The following SCARB1 variants were observed in gnomAD, a reference collection of about 807,000 sequenced individuals.
The protein encoded by SCARB1 is scavenger receptor class B member 1, also known as CD36 and LIMPII analogous 1.
A neutral mutation model predicts 57.2 loss-of-function variants in SCARB1; 30 were observed. The observed-to-expected ratio is 0.52, with a 90% CI of 0.39 to 0.71. The LOEUF (loss-of-function observed/expected upper bound fraction) is 0.71. Among genes scored for constraint, SCARB1 ranks in the 30% least tolerant of loss-of-function variants. The pLI, the probability that SCARB1 is intolerant of heterozygous loss-of-function variation, is 0.00. For missense variants in SCARB1, 543 were observed against 671.2 expected (o/e 0.81, Z 2.11); for synonymous variants, 249 against 268.3 (o/e 0.93, Z 0.70).
At chr12:124,861,416 C>T (rs1428543945) in intron 1 of SCARB1, among the ~76,000 whole-genome samples, 2 of 152,044 alleles carry the variant, frequency 1.3e-5, no homozygotes, top group African/African-American at 4.8e-5. Flanking sequence ...TCCACGGATG[C>T]AGAACCTGCA....
rs141832939 is a variant in SCARB1 at position 124,852,759 on chromosome 12, A to G, written c.126+10836T>C. Reference sequence around the variant, plus strand: ...GTGTGGTTATAACACAGATGGCGCAAGCCAGGCGCGGTGGCTCATGCCTGT... The same window carrying G: ...GTGTGGTTATAACACAGATGGCGCAGGCCAGGCGCGGTGGCTCATGCCTGT... On this transcript the variant is annotated intron_variant, in intron 1 of 12. Coordinates refer to ENST00000261693, the MANE Select transcript of SCARB1 (RefSeq NM_005505.5). 1.1e-4 allele frequency among the ~76,000 whole-genome samples: 17 copies of G among 152,356 alleles called. 1 individual carries two copies. Among genetic ancestry groups the G allele is most frequent in the Non-Finnish European group, 2.2e-4 (15 of 68,034 alleles).
intron 1 of SCARB1, among the ~76,000 whole-genome samples, chr12:124,818,072 G>A (rs1427327072): frequency 6.6e-6 from 1 of 152,176 alleles, no homozygotes; most frequent in Non-Finnish European, 1.5e-5. Flanking sequence ...CATGGGCTCC[G>A]TGTGGCCAGG....
Position 124,863,658 on chromosome 12 carries a change from G to A in SCARB1, c.63C>T (p.Cys21=), listed in dbSNP as rs10396208. 3,799 of 1,584,494 alleles carry A rather than the reference G, an allele frequency of 2.4e-3. 78 individuals carry two copies. The African/African-American group carries it at 0.047, about 20-fold the overall frequency. Residue 21 remains cysteine (C), a synonymous_variant, in exon 1 of 13, where the codon TGC becomes TGT. Transcript: ENST00000261693. ...CGATCATGACAGCGCCCAGCACAGCGCACAGTAGCCCCGCGACGCCCAGCG... is the reference window on the plus strand; with the variant it reads ...CGATCATGACAGCGCCCAGCACAGCACACAGTAGCCCCGCGACGCCCAGCG... ...AGALGVAGLL[C]AVLGAVMIVM...
chr12:124,815,031 G>T lies in SCARB1; in HGVS notation c.368C>A (p.Pro123His). The change falls in exon 3 of 13, where the codon CCC (proline) becomes CAC (histidine). Residue 123 changes from proline to histidine, a missense_variant. Transcript: ENST00000261693. The part of the protein sequence containing the change: ...FLEYRTFQFQ[P>H]SKSHGSESDY... ...GCTCTCCGAGCCGTGGGACTTGGAG[G>T]GCTGGAACTGGAAGGTGCGGTACTC... The T allele has an allele frequency of 5.0e-6, 8 of 1,614,224 alleles. No homozygotes were observed. The highest frequency in any genetic ancestry group is 6.8e-6 in the Non-Finnish European group (8 of 1,180,014).
rs1201380701 is a variant in SCARB1 at position 124,789,111 on chromosome 12, GTAAAC to G, written c.1203-1659_1203-1655del. ...AATAAAATCCAAAGGGAGAATAAAA[GTAAAC>G]TTGATACTGCAGAAACGTCACAGGC... On this transcript the variant is annotated intron_variant, in intron 9 of 12. Transcript: ENST00000261693. The surrounding 1 kb of genome is among the most constrained non-coding windows in gnomAD (Gnocchi z 4.4). Among the ~76,000 whole-genome samples, 1 of 152,124 alleles carries G rather than the reference GTAAAC, an allele frequency of 6.6e-6. No homozygotes were observed. The highest frequency in any genetic ancestry group is 2.4e-5 in the African/African-American group (1 of 41,414).
chr12:124,811,958 T>C lies in SCARB1; in HGVS notation c.638A>G (p.Asn213Ser), dbSNP rs773585501. 5.6e-6 allele frequency: 9 copies of C among 1,611,010 alleles called. No homozygotes were observed. In the African/African-American group the frequency reaches 6.7e-5, roughly 12 times the overall value. The change falls in exon 5 of 13, where the codon AAC becomes AGC. Residue 213 changes from asparagine to serine, a missense_variant. Physicochemically the swap from Asn to Ser is conservative, Grantham distance 46. Coordinates refer to ENST00000261693, the MANE Select transcript of SCARB1 (RefSeq NM_005505.5). ...DKFGLFAELN[N>S]SDSGLFTVFT... is the part of the protein sequence containing the mutation. ...CACCGTGAAGAGCCCAGAGTCGGAG[T>C]TGTTGAGCTACAGACACAGCAGGGA...
intron 1 of SCARB1, among the ~76,000 whole-genome samples, chr12:124,818,351 C>T (rs1950820640): frequency 6.6e-6 from 1 of 152,236 alleles, no homozygotes; most frequent in Non-Finnish European, 1.5e-5. Flanking sequence ...CACCATGGCT[C>T]ATGCCTGTAA....
intron 12 of SCARB1, among the ~76,000 whole-genome samples, chr12:124,780,489 C>T (rs1002429024): frequency 6.6e-6 from 1 of 152,230 alleles, no homozygotes; most frequent in African/African-American, 2.4e-5. Flanking sequence ...CAGAACAGGA[C>T]CCAAGAGGGG....
Position 124,814,971 on chromosome 12 carries a change from A to G in SCARB1, c.426+2T>C. The stretch of plus-strand genomic sequence containing the variant: ...GCGGCGTGGGCCACAGGGCAGCCTC[A>G]CCAAGACCAGGATGTTGGGCATGAC... On this transcript the variant is annotated splice_donor_variant, in intron 3 of 12. Transcript: ENST00000261693. LOFTEE classifies it high-confidence loss of function. This position sits in a 1 kb window ranked among gnomAD's most constrained non-coding sequence, Gnocchi z 4.7. 1 of 1,614,106 alleles carries G rather than the reference A, an allele frequency of 6.2e-7. No individual in the cohort carries two copies. Among genetic ancestry groups the G allele is most frequent in the Non-Finnish European group, 8.5e-7 (1 of 1,180,010 alleles).
intron 7 of SCARB1, among the ~76,000 whole-genome samples, chr12:124,804,718 G>A (rs1950263524): frequency 6.6e-6 from 1 of 152,190 alleles, no homozygotes; most frequent in Non-Finnish European, 1.5e-5. Flanking sequence ...CCTGAAATAG[G>A]GGAAAGCATC....
In SCARB1 at chr12:124,822,055, C is replaced by T. The variant is rs1950974384; in HGVS notation, c.127-4348G>A. 2.0e-5 allele frequency among the ~76,000 whole-genome samples: 3 copies of T among 152,124 alleles called. No homozygotes were observed. Among genetic ancestry groups the T allele is most frequent in the African/African-American group, 7.2e-5 (3 of 41,420 alleles). On this transcript the variant is annotated intron_variant, in intron 1 of 12. Coordinates refer to ENST00000261693, the MANE Select transcript of SCARB1 (RefSeq NM_005505.5). This position sits in a 1 kb window ranked among gnomAD's most constrained non-coding sequence, Gnocchi z 5.0. Reference sequence around the variant, plus strand: ...ACTCCCTCCCATCTGGCGAAATAGACCCTTTGAGCCCAGGAAGGCTGCCTG... The same window carrying T: ...ACTCCCTCCCATCTGGCGAAATAGATCCTTTGAGCCCAGGAAGGCTGCCTG...
At chr12:124,843,294 G>GC (rs986068438) in intron 1 of SCARB1, among the ~76,000 whole-genome samples, 9 of 123,288 alleles carry the variant, frequency 7.3e-5, no homozygotes, top group Admixed American at 1.6e-4. Context: ...TGGAGATGGG[G>GC]GGGGGGGTCT....
intron 1 of SCARB1, among the ~76,000 whole-genome samples, chr12:124,857,635 A>G (rs7975959): frequency 0.015 from 2,246 of 152,320 alleles, 61 homozygotes; most frequent in African/African-American, 0.051. Flanking sequence ...CAGTGATGGG[A>G]AAGCCCCTGC....
chr12:124,798,650 A>G (rs1672875), intron 8 of SCARB1, among the ~76,000 whole-genome samples: 94,311 of 151,782 alleles, frequency 0.62, 30,650 homozygotes, highest in African/African-American at 0.81. Context: ...CGAGACCAGC[A>G]TGGCCAACGT....
intron 1 of SCARB1, among the ~76,000 whole-genome samples, chr12:124,859,852 T>C (rs1952815361): frequency 6.6e-6 from 1 of 151,900 alleles, no homozygotes; most frequent in South Asian, 2.1e-4. Context: ...TATTGTTTGG[T>C]GGGTTTTTTT....
At chr12:124,813,584 C>T (rs900747392) in intron 4 of SCARB1, among the ~76,000 whole-genome samples, 10 of 152,144 alleles carry the variant, frequency 6.6e-5, no homozygotes, top group African/African-American at 2.4e-4. Flanking sequence ...TTACAAGATG[C>T]CTTTACAGCA....
chr12:124,842,390 G>A (rs368214564), intron 1 of SCARB1, among the ~76,000 whole-genome samples: 3 of 152,194 alleles, frequency 2.0e-5, no homozygotes, highest in South Asian at 4.1e-4. Context: ...TCTTCCATCC[G>A]TCCCAGCTAA....
intron 1 of SCARB1, among the ~76,000 whole-genome samples, chr12:124,847,826 A>G (rs780460816): frequency 6.6e-6 from 1 of 152,212 alleles, no homozygotes; most frequent in Non-Finnish European, 1.5e-5. Flanking sequence ...CCGGCTCATC[A>G]GAAACACTCT....
At chr12:124,826,883 T>C (rs1176359947) in intron 1 of SCARB1, among the ~76,000 whole-genome samples, 1 of 152,186 alleles carries the variant, frequency 6.6e-6, no homozygotes, top group African/African-American at 2.4e-5. Flanking sequence ...ATATTCTTTC[T>C]GAAGACAAAC....
Sources: gnomAD v4.1 joint callset for allele counts (sites outside exome capture counted in the v4.1 genomes callset) on GRCh38, gnomAD v4.1.1 for gene constraint, Gnocchi (gnomAD v3.1) non-coding constraint, MANE v1.5 for transcripts, NCBI Gene and HGNC (gene_info 2026-07-23, HGNC 2026-07-21) for gene names.